DTD1: variants seen among roughly 807,000 people sequenced by gnomAD.
DTD1 encodes D-aminoacyl-tRNA deacylase 1, also known as D-tyrosyl-tRNA deacylase 1 homolog.
A neutral mutation model predicts 25.6 loss-of-function variants in DTD1; 13 were observed. The ratio of observed to expected loss-of-function variants is 0.51; its 90% CI spans 0.33 to 0.81. DTD1 has a LOEUF of 0.81. DTD1 is among the 30% of genes least tolerant of loss of function. The pLI is 0.02. For missense variants in DTD1, 193 were observed against 266.4 expected, an observed-to-expected ratio of 0.72 and a Z score of 1.92; for synonymous variants, 110 against 103.6, an observed-to-expected ratio of 1.06 and a Z score of -0.37.
intron 4 of DTD1, among the ~76,000 whole-genome samples, chr20:18,739,026 C>T (rs884491): frequency 6.6e-6 from 1 of 151,994 alleles, no homozygotes; most frequent in Non-Finnish European, 1.5e-5. Flanking sequence ...AGCTTGTCCT[C>T]TGCAGTGTGG....
At chr20:18,671,573 C>G (rs913334925) in intron 4 of DTD1, among the ~76,000 whole-genome samples, 6 of 152,216 alleles carry the variant, frequency 3.9e-5, no homozygotes, top group African/African-American at 1.4e-4. Flanking sequence ...AAAAACAGCA[C>G]TAGCATGGTC....
In DTD1 at chr20:18,766,075, A is replaced by G. The variant is rs1201940017; in HGVS notation, c.*2735A>G. 1 of 152,250 alleles carries G rather than the reference A, an allele frequency of 6.6e-6. No homozygotes were observed. Among genetic ancestry groups the G allele is most frequent in the Non-Finnish European group, 1.5e-5 (1 of 68,058 alleles). 9.4% of individuals were successfully genotyped at this position (152,250 alleles called of 1,614,324 possible). On this transcript the variant is annotated 3_prime_UTR_variant, in exon 6 of 6. Coordinates refer to ENST00000377452, the MANE Select transcript of DTD1 (RefSeq NM_080820.6). ...AGGCATCTTTGGGGGCTGGATGTCCATAGCAGCACCTCATGGTTAGTGGTC... is the reference window on the plus strand; with the variant it reads ...AGGCATCTTTGGGGGCTGGATGTCCGTAGCAGCACCTCATGGTTAGTGGTC...
At chr20:18,638,613 G>A (rs2060817376) in intron 4 of DTD1, among the ~76,000 whole-genome samples, 1 of 152,192 alleles carries the variant, frequency 6.6e-6, no homozygotes, top group African/African-American at 2.4e-5. Flanking sequence ...GGGTGACAGG[G>A]AGAGGGGCAG....
chr20:18,743,484 A>T (rs1433100559), intron 4 of DTD1, among the ~76,000 whole-genome samples: 4 of 152,140 alleles, frequency 2.6e-5, no homozygotes, highest in Non-Finnish European at 5.9e-5. Context: ...GCTTGAGCCC[A>T]GGAGTTCAAG....
chr20:18,758,430 C>T (rs1352402873), intron 5 of DTD1, among the ~76,000 whole-genome samples: 1 of 152,134 alleles, frequency 6.6e-6, no homozygotes, highest in Middle Eastern at 3.2e-3. Flanking sequence ...TTTCCCTCTA[C>T]ACACTGCTTT....
intron 5 of DTD1, among the ~76,000 whole-genome samples, chr20:18,761,617 T>C (rs1487765572): frequency 6.6e-6 from 1 of 152,160 alleles, no homozygotes; most frequent in African/African-American, 2.4e-5. Flanking sequence ...TGTAGAATAT[T>C]GTAGAATATT....
intron 4 of DTD1, among the ~76,000 whole-genome samples, chr20:18,648,033 T>G (rs1411245729): frequency 1.3e-5 from 2 of 152,212 alleles, no homozygotes; most frequent in Non-Finnish European, 2.9e-5. Context: ...GGACCAGTTG[T>G]TCTCTTTGTT....
intron 4 of DTD1, chr20:18,631,209 C>T (rs2060786309): frequency 2.0e-6 from 2 of 985,510 alleles, no homozygotes; most frequent in Non-Finnish European, 2.4e-6. Flanking sequence ...CAGCCTCTCC[C>T]TGGGGCCAGG....
chr20:18,726,358 C>G (rs1401234371), intron 4 of DTD1, among the ~76,000 whole-genome samples: 2 of 152,162 alleles, frequency 1.3e-5, no homozygotes, highest in Non-Finnish European at 2.9e-5. Context: ...ATCTGTCAGC[C>G]TCTGAGCCCC....
At chr20:18,675,931 C>T (rs892689140) in intron 4 of DTD1, among the ~76,000 whole-genome samples, 2 of 149,088 alleles carry the variant, frequency 1.3e-5, no homozygotes, top group African/African-American at 2.5e-5. Flanking sequence ...GTTTTTTATT[C>T]CTAATATTGT....
chr20:18,690,841 C>T (rs1286926656), intron 4 of DTD1, among the ~76,000 whole-genome samples: 1 of 151,902 alleles, frequency 6.6e-6, no homozygotes, highest in Admixed American at 6.6e-5. Flanking sequence ...TTTTTGGTTT[C>T]CTATAAATTT....
rs370120832 is a variant in DTD1, at chr20:18,708,244, A to ATATATT, written c.478-35856_478-35855insTATATT. On this transcript the variant is annotated intron_variant, in intron 4 of 5. Transcript: ENST00000377452. The stretch of plus-strand genomic sequence containing the variant: ...ATATATATATATTTTATATATATAT[A>ATATATT]ATATATATTATATATATATTTTATA... 6.8e-4 allele frequency among the ~76,000 whole-genome samples: 28 copies of ATATATT among 41,404 alleles called. 2 individuals are homozygous for ATATATT. The highest frequency in any genetic ancestry group is 1.0e-3 in the East Asian group (1 of 988). The allele number at this position is 41,404 out of a possible 152,430, so 27.2% of individuals were successfully genotyped here.
chr20:18,698,258 A>T (rs1275431330), intron 4 of DTD1, among the ~76,000 whole-genome samples: 2 of 152,224 alleles, frequency 1.3e-5, no homozygotes, highest in Admixed American at 1.3e-4. Context: ...TATTAAACAC[A>T]TGTACACTGG....
rs10583250 is a variant in DTD1 at position 18,702,744 on chromosome 20, CA to C, written c.478-41338del. On this transcript the variant is annotated intron_variant, in intron 4 of 5. Coordinates refer to ENST00000377452, the MANE Select transcript of DTD1 (RefSeq NM_080820.6). The stretch of plus-strand genomic sequence containing the variant: ...AGTAGAAATCACATCTGGAATGAGG[CA>C]AAAAAAAAAAAAAAAAAGGAACTGT... Among the ~76,000 whole-genome samples, 767 of 123,102 alleles carry C rather than the reference CA, an allele frequency of 6.2e-3. 10 individuals are homozygous for C. Among genetic ancestry groups the C allele is most frequent in the Admixed American group, 0.039 (478 of 12,228 alleles). 80.8% of individuals were successfully genotyped at this position (123,102 alleles called of 152,430 possible). A position where few individuals can be genotyped will look rare whatever the true frequency, so the allele number is the denominator to read the frequency against.
At chr20:18,661,584 G>A (rs900646627) in intron 4 of DTD1, among the ~76,000 whole-genome samples, 2 of 152,104 alleles carry the variant, frequency 1.3e-5, no homozygotes, top group African/African-American at 2.4e-5. Flanking sequence ...TGTTAGCCAG[G>A]ATGGTTTTGA....
intron 2 of DTD1, among the ~76,000 whole-genome samples, chr20:18,595,318 G>A (rs1395851111): frequency 1.3e-5 from 2 of 151,964 alleles, no homozygotes; most frequent in Non-Finnish European, 2.9e-5. Flanking sequence ...CCAGGCTGGA[G>A]TGCAGTGGTG....
intron 4 of DTD1, among the ~76,000 whole-genome samples, chr20:18,717,511 A>C (rs966072999): frequency 1.3e-5 from 2 of 152,206 alleles, no homozygotes; most frequent in African/African-American, 4.8e-5. Context: ...ATACATAGTA[A>C]ATTCGTGACA....
chr20:18,631,047 CCT>C, intron 4 of DTD1: 1 of 985,384 alleles, frequency 1.0e-6, no homozygotes, highest in South Asian at 4.7e-5. Flanking sequence ...GAAGTGCTAA[CCT>C]CTTTCCCCTT....
In DTD1 at chr20:18,744,321, C is replaced by T. The variant is rs147917085; in HGVS notation, c.*19+50C>T. The T allele has an allele frequency of 8.8e-3, 13,936 of 1,577,276 alleles. 81 individuals are homozygous for T. The highest frequency in any genetic ancestry group is 0.015 in the Middle Eastern group (67 of 4,330). On this transcript the variant is annotated intron_variant, in intron 5 of 5. Transcript: ENST00000377452. ...ATCTTCCCACATTTTGGGGAAGCAG[C>T]AATGAATAGGAGGGAATAGCTGCTG...
Sources: gnomAD v4.1 joint callset for allele counts (sites outside exome capture counted in the v4.1 genomes callset) on GRCh38, gnomAD v4.1.1 for gene constraint, MANE v1.5 for transcripts, NCBI Gene and HGNC (gene_info 2026-07-23, HGNC 2026-07-21) for gene names.